Variants in MYO16 observed in about 807,000 individuals in gnomAD.
MYO16 encodes unconventional myosin-XVI.
MYO16 carries 94 observed loss-of-function variants against 205.3 expected under a neutral mutation model. That is an observed-to-expected ratio of 0.46 (90% confidence interval 0.39 to 0.54). The LOEUF (loss-of-function observed/expected upper bound fraction) is 0.54. MYO16 is among the 20% of genes least tolerant of loss of function. MYO16 has a pLI of 0.00. For missense variants in MYO16, 2,315 were observed against 2,387.5 expected (o/e 0.97, Z 0.63); for synonymous variants, 988 against 954.0 (o/e 1.04, Z -0.66).
chr13:109,184,983 C>G (rs1879624428), intron 34 of MYO16, among the ~76,000 whole-genome samples: 1 of 152,098 alleles, frequency 6.6e-6, no homozygotes, highest in Non-Finnish European at 1.5e-5. Flanking sequence ...CCATGTTGGT[C>G]AGGCTGGTCT....
chr13:108,960,486 C>G (rs1438653126), intron 17 of MYO16, among the ~76,000 whole-genome samples: 1 of 152,096 alleles, frequency 6.6e-6, no homozygotes, highest in Non-Finnish European at 1.5e-5. Flanking sequence ...AATGCTCTCA[C>G]TTTAAAATTG....
intron 16 of MYO16, among the ~76,000 whole-genome samples, chr13:108,936,197 C>A (rs1882485185): frequency 6.7e-6 from 1 of 148,312 alleles, no homozygotes; most frequent in South Asian, 2.1e-4. Flanking sequence ...AAAATTCTGT[C>A]TTTGCCAGCT....
At position 109,127,711 on chromosome 13, in the gene MYO16, T is replaced by C; in HGVS notation, c.4051+161T>C. The C allele has an allele frequency of 1.4e-6, 1 of 711,392 alleles. No individual in the cohort carries two copies. Among genetic ancestry groups the C allele is most frequent in the Non-Finnish European group, 2.2e-6 (1 of 452,156 alleles). 44.1% of individuals were successfully genotyped at this position (711,392 alleles called of 1,614,324 possible). ...GCTCTTAATCATTAAATATAAATAA[T>C]ATTTATTCAAATCTCTAAGCCTCTT... On this transcript the variant is annotated intron_variant, in intron 31 of 34. Transcript: ENST00000457511. This position sits in a 1 kb window ranked among gnomAD's most constrained non-coding sequence, Gnocchi z 4.2.
chr13:108,844,428 A>G lies in MYO16; in HGVS notation c.1183A>G (p.Lys395Glu), dbSNP rs367975696. The change falls in exon 10 of 35, where the codon AAG becomes GAG. Residue 395 changes from lysine to glutamate, a missense_variant. By Grantham distance (56) the Lys-to-Glu change is moderately conservative. Around this residue, in one of 3 missense-constraint regions of MYO16, gnomAD observed 1,213 missense variants for 1,274.4 expected, o/e 0.95. Transcript: ENST00000457511. ...MFKDATKGLC[K>E]QQSQDSIPEN... Reference sequence around the variant, plus strand: ...CAAAGATGCAACAAAAGGTCTGTGTAAGCAGCAGTCTCAGGACAGCATCCC... The same window carrying G: ...CAAAGATGCAACAAAAGGTCTGTGTGAGCAGCAGTCTCAGGACAGCATCCC... 3.1e-6 allele frequency: 5 copies of G among 1,613,282 alleles called. No individual in the cohort carries two copies. In the African/African-American group the frequency reaches 6.7e-5, roughly 22 times the overall value.
upstream of MYO16, among the ~76,000 whole-genome samples, chr13:108,628,203 C>G (rs932341728): frequency 2.6e-5 from 4 of 152,178 alleles, 1 homozygote; most frequent in Admixed American, 2.6e-4. Flanking sequence ...GAAAAGCACC[C>G]AAAATGGTGA....
chr13:108,567,618 T>C, the MYO16 span, among the ~76,000 whole-genome samples: 1 of 152,142 alleles, frequency 6.6e-6, no homozygotes, highest in Non-Finnish European at 1.5e-5. Context: ...GATATAATGA[T>C]GTTTTTGAAA....
chr13:108,754,662 C>T (rs572105935), intron 4 of MYO16, among the ~76,000 whole-genome samples: 2 of 152,074 alleles, frequency 1.3e-5, no homozygotes, highest in African/African-American at 2.4e-5. Context: ...GTATAAATCC[C>T]AAATCATCCT....
intron 16 of MYO16, among the ~76,000 whole-genome samples, chr13:108,917,338 A>G (rs1230483717): frequency 2.0e-5 from 3 of 152,128 alleles, no homozygotes; most frequent in African/African-American, 7.2e-5. Flanking sequence ...TAACAGGAGG[A>G]AGGGGAAGGG....
chr13:108,946,308 CT>C (rs910656422), intron 16 of MYO16, among the ~76,000 whole-genome samples: 1 of 151,832 alleles, frequency 6.6e-6, no homozygotes, highest in African/African-American at 2.4e-5. Context: ...GGGGGTTTGA[CT>C]TTTATGGCAT....
At chr13:108,957,426 T>C (rs910781810) in intron 16 of MYO16, among the ~76,000 whole-genome samples, 1 of 149,744 alleles carries the variant, frequency 6.7e-6, no homozygotes, top group Admixed American at 6.7e-5. Flanking sequence ...ACTTGTGACC[T>C]TCTCCTGTCA....
intron 1 of MYO16, among the ~76,000 whole-genome samples, chr13:108,596,613 A>G (rs77376344): frequency 0.012 from 1,872 of 152,322 alleles, 31 homozygotes; most frequent in African/African-American, 0.04. Flanking sequence ...TTTAAGATTG[A>G]AGCTCATAAT....
intron 10 of MYO16, among the ~76,000 whole-genome samples, chr13:108,853,794 A>G (rs1878014435): frequency 6.6e-6 from 1 of 151,972 alleles, no homozygotes; most frequent in South Asian, 2.1e-4. Flanking sequence ...ATTAGTTTTT[A>G]ATAAGCATTC....
At chr13:108,525,224 A>G in the MYO16 span, among the ~76,000 whole-genome samples, 2 of 152,236 alleles carry the variant, frequency 1.3e-5, no homozygotes, top group Non-Finnish European at 2.9e-5. Context: ...ATTTTATAGT[A>G]GTGCATTATT....
At chr13:108,613,883 C>T (rs961067184) in intron 1 of MYO16, among the ~76,000 whole-genome samples, 1 of 152,038 alleles carries the variant, frequency 6.6e-6, no homozygotes, top group African/African-American at 2.4e-5. Flanking sequence ...AAAGATGCTT[C>T]CTGAACCTAA....
chr13:108,765,509 A>T lies in MYO16; in HGVS notation c.508-20126A>T, dbSNP rs142296404. 2.6e-3 allele frequency among the ~76,000 whole-genome samples: 397 copies of T among 152,210 alleles called. 3 individuals carry two copies. The highest frequency in any genetic ancestry group is 0.02 in the Middle Eastern group (6 of 294). On this transcript the variant is annotated intron_variant, in intron 4 of 34. Coordinates refer to ENST00000457511, the MANE Select transcript of MYO16 (RefSeq NM_001198950.3). Reference sequence around the variant, plus strand: ...TTTGTTTCTAGATACAGTAACTTTCAACTCTTTTAGATGGTTCTCCTGGGT... The same window carrying T: ...TTTGTTTCTAGATACAGTAACTTTCTACTCTTTTAGATGGTTCTCCTGGGT...
In MYO16 at chr13:108,870,360, T is replaced by A. The variant is rs1174736187; in HGVS notation, c.1425+4118T>A. The stretch of plus-strand genomic sequence containing the variant: ...ATAAGCCTCCAATTTTTCTTTTTTT[T>A]ATTAAAAAAATCTTCTATGTCAAAA... On this transcript the variant is annotated intron_variant, in intron 12 of 34. Coordinates refer to ENST00000457511, the MANE Select transcript of MYO16 (RefSeq NM_001198950.3). Among the ~76,000 whole-genome samples, 4 of 152,192 alleles carry A rather than the reference T, an allele frequency of 2.6e-5. No homozygotes were observed. The East Asian group carries it at 5.8e-4, about 22-fold the overall frequency.
intron 20 of MYO16, among the ~76,000 whole-genome samples, chr13:108,982,217 T>G (rs957898957): frequency 1.3e-5 from 2 of 152,234 alleles, no homozygotes; most frequent in African/African-American, 4.8e-5. Context: ...TTTTGCTCAA[T>G]GAGTAGATTA....
chr13:108,605,362 T>G, intron 1 of MYO16, among the ~76,000 whole-genome samples: 1 of 152,110 alleles, frequency 6.6e-6, no homozygotes, highest in Non-Finnish European at 1.5e-5. Context: ...TGTCCAAGTA[T>G]CCTGCAATGT....
intron 27 of MYO16, among the ~76,000 whole-genome samples, chr13:109,061,889 C>T (rs1047553786): frequency 6.6e-6 from 1 of 152,212 alleles, no homozygotes; most frequent in Non-Finnish European, 1.5e-5. Context: ...TAGAAAAGTG[C>T]ATTTAGTGTA....
Sources: allele counts gnomAD v4.1 joint callset (sites outside exome capture counted in the v4.1 genomes callset), GRCh38; gene constraint gnomAD v4.1.1; regional missense constraint gnomAD v4.1.1; non-coding constraint Gnocchi (gnomAD v3.1); transcripts MANE v1.5; gene names NCBI Gene and HGNC (gene_info 2026-07-23, HGNC 2026-07-21).